BCAS3: variants seen among roughly 807,000 people sequenced by gnomAD.
The protein encoded by BCAS3 is BCAS4/BCAS3 fusion.
A neutral mutation model predicts 116.1 loss-of-function variants in BCAS3; 53 were observed. That is an observed-to-expected ratio of 0.46 (90% CI 0.37 to 0.57). BCAS3 has a LOEUF of 0.57. Ranked by LOEUF, BCAS3 falls within the 20% of genes least tolerant of loss-of-function variation. The probability of loss-of-function intolerance (pLI) is 0.00; values close to 1 mark genes in which losing one functional copy is unlikely to be tolerated. For missense variants in BCAS3, 917 were observed against 1,165.4 expected (o/e 0.79, Z 3.10); for synonymous variants, 391 against 408.2 (o/e 0.96, Z 0.51).
intron 15 of BCAS3, among the ~76,000 whole-genome samples, chr17:61,005,678 TGAG>T (rs2064626114): frequency 6.6e-6 from 1 of 151,306 alleles, no homozygotes; most frequent in South Asian, 2.1e-4. Flanking sequence ...TAGGGGACTG[TGAG>T]GAGAAGAGAG....
rs1740887370 is a variant in BCAS3 at position 61,021,501 on chromosome 17, C to T, written c.1637+5600C>T. On this transcript the variant is annotated intron_variant, in intron 16 of 23. Transcript: ENST00000407086. The surrounding 1 kb of genome is among the most constrained non-coding windows in gnomAD (Gnocchi z 4.6). ...CTGGCTTCTTCTCATCTGGGTTCTG[C>T]ACCTATTTGCCAGTGTGTCCTAGGT... Among the ~76,000 whole-genome samples the T allele has an allele frequency of 6.6e-6, 1 of 152,018 alleles. No individual in the cohort carries two copies. The highest frequency in any genetic ancestry group is 6.5e-5 in the Admixed American group (1 of 15,272).
chr17:60,895,616 C>T (rs1373324556), intron 10 of BCAS3, among the ~76,000 whole-genome samples: 1 of 151,848 alleles, frequency 6.6e-6, no homozygotes, highest in Non-Finnish European at 1.5e-5. Flanking sequence ...TTTTTTAGCT[C>T]CTTTGGGTGC....
chr17:61,370,457 T>G (rs1029481636), intron 23 of BCAS3, among the ~76,000 whole-genome samples: 1 of 152,166 alleles, frequency 6.6e-6, no homozygotes, highest in African/African-American at 2.4e-5. Flanking sequence ...GGCACAATCT[T>G]GGCTCACTAC....
intron 18 of BCAS3, 94 bp downstream of exon 18, chr17:61,038,148 C>A: frequency 9.0e-7 from 1 of 1,108,480 alleles, no homozygotes; most frequent in Non-Finnish European, 1.3e-6. Context: ...ATGCATACAG[C>A]TACGAAATCA....
At chr17:60,729,037 T>G (rs1006509650) in intron 5 of BCAS3, among the ~76,000 whole-genome samples, 2 of 152,194 alleles carry the variant, frequency 1.3e-5, no homozygotes, top group African/African-American at 4.8e-5. Context: ...TGACCCCATA[T>G]TAGTTTTGCA....
At chr17:60,717,775 AG>A (rs1448303148) in intron 5 of BCAS3, among the ~76,000 whole-genome samples, 1 of 152,200 alleles carries the variant, frequency 6.6e-6, no homozygotes, top group Non-Finnish European at 1.5e-5. Flanking sequence ...GTTTTTCCAC[AG>A]GGTGGGGATA....
chr17:60,928,985 G>A (rs1214908884), intron 13 of BCAS3, among the ~76,000 whole-genome samples: 2 of 152,016 alleles, frequency 1.3e-5, no homozygotes, highest in African/African-American at 4.8e-5. Context: ...TCAGTAGCTG[G>A]GTTTTTTCCC....
At chr17:61,018,250 A>G (rs922691660) in intron 16 of BCAS3, among the ~76,000 whole-genome samples, 1 of 150,570 alleles carries the variant, frequency 6.6e-6, no homozygotes, top group Non-Finnish European at 1.5e-5. Context: ...GAAATGTTTC[A>G]AGACTAGCCA....
intron 7 of BCAS3, among the ~76,000 whole-genome samples, chr17:60,823,561 C>G (rs1298026758): frequency 6.6e-6 from 1 of 151,904 alleles, no homozygotes. Context: ...GAGACTCTGT[C>G]TCTTACAAAC....
At position 60,960,353 on chromosome 17, in the gene BCAS3, G is replaced by A. The variant is rs1477953549; in HGVS notation, c.1221+13001G>A. ...GTTGAGACTCTGGAATTTATCCTAG[G>A]GCAAAATTCCTGTGCTTCTGTGGAC... is the stretch of plus-strand genomic sequence containing the variant. On this transcript the variant is annotated intron_variant, in intron 14 of 23. Coordinates refer to ENST00000407086, the MANE Select transcript of BCAS3 (RefSeq NM_017679.5). This position sits in a 1 kb window ranked among gnomAD's most constrained non-coding sequence, Gnocchi z 4.1. 6.6e-6 allele frequency among the ~76,000 whole-genome samples: 1 copy of A among 151,922 alleles called. No homozygotes were observed. Among genetic ancestry groups the A allele is most frequent in the Non-Finnish European group, 1.5e-5 (1 of 67,978 alleles).
Position 61,315,969 on chromosome 17 carries a change from CT to C in BCAS3, c.2426-52354del, listed in dbSNP as rs530147962. Among the ~76,000 whole-genome samples the C allele has an allele frequency of 2.0e-5, 3 of 152,148 alleles. No individual in the cohort carries two copies. Among genetic ancestry groups the C allele is most frequent in the African/African-American group, 4.8e-5 (2 of 41,438 alleles). On this transcript the variant is annotated intron_variant, in intron 22 of 23. Transcript: ENST00000407086. This position sits in a 1 kb window ranked among gnomAD's most constrained non-coding sequence, Gnocchi z 5.3. ...AACCTCTTTAGGACCAGGATTTTCC[CT>C]TTTCATGTGTGTTTTCCAGTGTCTA...
intron 22 of BCAS3, among the ~76,000 whole-genome samples, chr17:61,283,760 G>T (rs2051455971): frequency 6.6e-6 from 1 of 151,766 alleles, no homozygotes; most frequent in Non-Finnish European, 1.5e-5. Flanking sequence ...GCCGTAAATT[G>T]ATTTTTTAAA....
At chr17:60,920,216 A>G (rs1473593491) in intron 12 of BCAS3, among the ~76,000 whole-genome samples, 2 of 152,218 alleles carry the variant, frequency 1.3e-5, no homozygotes, top group Admixed American at 1.3e-4. Flanking sequence ...TGAGTCCCCA[A>G]AAGCGATTGC....
At chr17:60,776,374 T>C (rs1329634813) in intron 6 of BCAS3, among the ~76,000 whole-genome samples, 1 of 152,230 alleles carries the variant, frequency 6.6e-6, no homozygotes, top group African/African-American at 2.4e-5. Flanking sequence ...TATACATTAA[T>C]ATTAGTTTTC....
rs2077848684 is a variant in BCAS3 at position 61,156,516 on chromosome 17, G to A, written c.2425+71952G>A. 6.6e-6 allele frequency among the ~76,000 whole-genome samples: 1 copy of A among 152,102 alleles called. No individual in the cohort carries two copies. Reference sequence around the variant, plus strand: ...TGAAATGGTCTCTTTGGTTTTGTAGGTTCAGACTGAGGTTGGAACGGGCTT... The same window carrying A: ...TGAAATGGTCTCTTTGGTTTTGTAGATTCAGACTGAGGTTGGAACGGGCTT... On this transcript the variant is annotated intron_variant, in intron 22 of 23. Transcript: ENST00000407086. The surrounding 1 kb of genome is among the most constrained non-coding windows in gnomAD (Gnocchi z 4.7).
At chr17:61,044,371 T>C (rs112847781) in intron 19 of BCAS3, among the ~76,000 whole-genome samples, 20,882 of 145,578 alleles carry the variant, frequency 0.14, 4,717 homozygotes, top group African/African-American at 0.49. Context: ...GGCGTGAGCC[T>C]GGGAGGCGGA....
intron 7 of BCAS3, among the ~76,000 whole-genome samples, chr17:60,825,123 G>A (rs1042383075): frequency 1.3e-5 from 2 of 149,892 alleles, no homozygotes; most frequent in African/African-American, 4.9e-5. Context: ...CTGAGATCAC[G>A]CCACTGCACT....
rs937841949 is a variant in BCAS3 at position 61,327,129 on chromosome 17, C to T, written c.2426-41198C>T. Among the ~76,000 whole-genome samples, 3 of 151,972 alleles carry T rather than the reference C, an allele frequency of 2.0e-5. No individual in the cohort carries two copies. The highest frequency in any genetic ancestry group is 1.9e-4 in the East Asian group (1 of 5,168). ...GACCACCTGGCCAACATGGTGAAAC[C>T]TCATCTCTACTAAAAATACAAAAAT... On this transcript the variant is annotated intron_variant, in intron 22 of 23. Transcript: ENST00000407086. The surrounding 1 kb of genome is among the most constrained non-coding windows in gnomAD (Gnocchi z 5.9).
chr17:61,008,287 A>T lies in BCAS3; in HGVS notation c.1487-7464A>T, dbSNP rs2145503249. Among the ~76,000 whole-genome samples, 1 of 152,192 alleles carries T rather than the reference A, an allele frequency of 6.6e-6. No individual in the cohort carries two copies. Among genetic ancestry groups the T allele is most frequent in the East Asian group, 1.9e-4 (1 of 5,176 alleles). On this transcript the variant is annotated intron_variant, in intron 15 of 23. Coordinates refer to ENST00000407086, the MANE Select transcript of BCAS3 (RefSeq NM_017679.5). The surrounding 1 kb of genome is among the most constrained non-coding windows in gnomAD (Gnocchi z 4.6). The stretch of plus-strand genomic sequence containing the variant: ...TGGAACTGCAGCTGGGAAGCTTGAC[A>T]TTCTCATCTAGGAAAGGGGAGAAGA...
Sources: gnomAD v4.1 joint callset for allele counts (sites outside exome capture counted in the v4.1 genomes callset) on GRCh38, gnomAD v4.1.1 for gene constraint, Gnocchi (gnomAD v3.1) non-coding constraint, MANE v1.5 for transcripts, NCBI Gene and HGNC (gene_info 2026-07-23, HGNC 2026-07-21) for gene names.